Variants in NOL9 observed in about 807,000 individuals in gnomAD.
NOL9 encodes nucleolar protein 9.
NOL9 carries 28 observed loss-of-function variants against 67.9 expected under a neutral mutation model. The observed-to-expected ratio is 0.41, with a 90% CI of 0.31 to 0.57. The LOEUF (loss-of-function observed/expected upper bound fraction) is 0.57, where lower values mean the gene tolerates loss of function less well. Ranked by LOEUF, NOL9 falls within the 20% of genes least tolerant of loss-of-function variation. The pLI, the probability that NOL9 is intolerant of heterozygous loss-of-function variation, is 0.25. For missense variants in NOL9, 777 were observed against 897.0 expected (o/e 0.87, Z 1.71); for synonymous variants, 356 against 352.2 (o/e 1.01, Z -0.12).
At chr1:6,550,134 C>T (rs543120458) in intron 2 of NOL9, among the ~76,000 whole-genome samples, 10 of 152,186 alleles carry the variant, frequency 6.6e-5, no homozygotes, top group African/African-American at 1.9e-4. Context: ...CGGGTTCAAG[C>T]GATTCTCCTG....
chr1:6,554,323 C>A lies in NOL9; in HGVS notation c.180G>T (p.Val60=), dbSNP rs750304499. 4 of 1,473,400 alleles carry A rather than the reference C, an allele frequency of 2.7e-6. No homozygotes were observed. The South Asian group carries it at 4.1e-5, about 15-fold the overall frequency. The allele number at this position is 1,473,400 out of a possible 1,614,324, so 91.3% of individuals were successfully genotyped here. A position where few individuals can be genotyped will look rare whatever the true frequency, so the allele number is the denominator to read the frequency against. ...CCTGGCGGGCTCCCTCCCTCCAGTC[C>A]ACGCCGGACGCCTGGGCTTGCAGTA... is the stretch of plus-strand genomic sequence containing the variant. The part of the protein sequence containing the change: ...WRLLQAQASG[V]DWREGARQVS... The change falls in exon 1 of 12, where the codon GTG becomes GTT. Residue 60 remains valine (V), a synonymous_variant. Transcript: ENST00000377705.
intron 6 of NOL9, among the ~76,000 whole-genome samples, chr1:6,535,970 C>T (rs187393187): frequency 1.1e-4 from 17 of 150,856 alleles, no homozygotes; most frequent in Non-Finnish European, 2.1e-4. Context: ...TCTCTGACTT[C>T]AAAAGCAGTT....
intron 3 of NOL9, 36 bp downstream of exon 3, chr1:6,549,534 AG>A: frequency 6.2e-7 from 1 of 1,608,284 alleles, no homozygotes; most frequent in East Asian, 2.2e-5. Context: ...TTTTGGTGCA[AG>A]TAATTAGCAA....
chr1:6,536,034 C>T lies in NOL9; in HGVS notation c.1076-2593G>A, dbSNP rs569076152. 5.3e-5 allele frequency among the ~76,000 whole-genome samples: 8 copies of T among 152,134 alleles called. No individual in the cohort carries two copies. The South Asian group carries it at 1.7e-3, about 32-fold the overall frequency. ...GCTACAAAGTGAGACACTGCCTCTA[C>T]AAATAATTGTTCAAAAATTAGCCAG... On this transcript the variant is annotated intron_variant, in intron 6 of 11. Coordinates refer to ENST00000377705, the MANE Select transcript of NOL9 (RefSeq NM_024654.5).
At chr1:6,541,161 A>G (rs1639282716) in intron 6 of NOL9, among the ~76,000 whole-genome samples, 1 of 151,922 alleles carries the variant, frequency 6.6e-6, no homozygotes, top group South Asian at 2.1e-4. Context: ...GACTATAGGC[A>G]CGTGCCACCA....
chr1:6,526,927 A>G (rs879861013), intron 10 of NOL9, 98 bp from the exon 11 acceptor site: 77 of 1,404,132 alleles, frequency 5.5e-5, no homozygotes, highest in Non-Finnish European at 7.2e-5. Context: ...ATAAGTCTTT[A>G]TATCAACTCT....
intron 1 of NOL9, among the ~76,000 whole-genome samples, chr1:6,552,222 C>T (rs1201514155): frequency 1.3e-5 from 2 of 152,046 alleles, no homozygotes; most frequent in Non-Finnish European, 2.9e-5. Flanking sequence ...TGCAGCAAAC[C>T]ACCAAGGCAC....
At chr1:6,539,113 G>A (rs758525696) in intron 6 of NOL9, among the ~76,000 whole-genome samples, 9 of 152,164 alleles carry the variant, frequency 5.9e-5, no homozygotes, top group Non-Finnish European at 1.0e-4. Context: ...AAACCAACAT[G>A]AGACATTACT....
intron 6 of NOL9, among the ~76,000 whole-genome samples, chr1:6,539,498 A>C (rs4908912): frequency 0.82 from 124,389 of 152,092 alleles, 51,733 homozygotes; most frequent in Non-Finnish European, 0.89. Flanking sequence ...ATTATTATTT[A>C]TTGAGGCAGA....
intron 3 of NOL9, among the ~76,000 whole-genome samples, chr1:6,546,113 TCAA>T: frequency 6.6e-6 from 1 of 152,184 alleles, no homozygotes; most frequent in African/African-American, 2.4e-5. Flanking sequence ...AATTAGATAA[TCAA>T]GTTTACTATC....
chr1:6,550,321 G>A (rs950329751), intron 2 of NOL9, 75 bp downstream of exon 2: 21 of 1,328,126 alleles, frequency 1.6e-5, no homozygotes, highest in East Asian at 4.6e-5. Flanking sequence ...GTGAGCCACC[G>A]CGCCTGGCCC....
At chr1:6,545,437 G>A (rs548772270) in intron 3 of NOL9, among the ~76,000 whole-genome samples, 8 of 152,316 alleles carry the variant, frequency 5.3e-5, no homozygotes, top group African/African-American at 1.7e-4. Flanking sequence ...AAAATGCCTG[G>A]TAAGACATGA....
chr1:6,539,196 T>C (rs755916181), intron 6 of NOL9, among the ~76,000 whole-genome samples: 1 of 152,218 alleles, frequency 6.6e-6, no homozygotes, highest in African/African-American at 2.4e-5. Flanking sequence ...CTCTTGTGCA[T>C]TGCTGCTGGG....
intron 1 of NOL9, among the ~76,000 whole-genome samples, chr1:6,552,150 CTG>C (rs1639556243): frequency 6.6e-6 from 1 of 152,128 alleles, no homozygotes; most frequent in African/African-American, 2.4e-5. Context: ...CTGTGGGGGT[CTG>C]GGGAAGGGCG....
chr1:6,535,053 G>A (rs1639118749), intron 6 of NOL9, among the ~76,000 whole-genome samples: 1 of 152,122 alleles, frequency 6.6e-6, no homozygotes, highest in African/African-American at 2.4e-5. Flanking sequence ...CAAGTGATCC[G>A]CCTGCCTCGG....
chr1:6,544,998 G>C (rs769760187), intron 4 of NOL9, 47 bp downstream of exon 4: 16 of 1,613,932 alleles, frequency 9.9e-6, no homozygotes, highest in Non-Finnish European at 1.4e-5. Flanking sequence ...TCTTCCTCTG[G>C]GGGTCTGGTG....
chr1:6,541,457 CAA>C (rs758186702), intron 6 of NOL9, among the ~76,000 whole-genome samples: 43 of 152,192 alleles, frequency 2.8e-4, no homozygotes, highest in Non-Finnish European at 5.7e-4. Flanking sequence ...GCTGGGATTA[CAA>C]GTGTGAGCCA....
intron 6 of NOL9, among the ~76,000 whole-genome samples, chr1:6,535,037 T>C (rs1639118204): frequency 6.6e-6 from 1 of 152,194 alleles, no homozygotes; most frequent in Non-Finnish European, 1.5e-5. Flanking sequence ...CTCAAACTCC[T>C]GACCTCAAGT....
chr1:6,544,544 C>CGCACGCACGCACACA (rs61278197), intron 5 of NOL9, among the ~76,000 whole-genome samples: 1 of 118,666 alleles, frequency 8.4e-6, no homozygotes, highest in African/African-American at 4.2e-5. Flanking sequence ...CACACACGCA[C>CGCACGCACGCACACA]CCCCCCCCCG....
Sources: allele counts gnomAD v4.1 joint callset (sites outside exome capture counted in the v4.1 genomes callset), GRCh38; gene constraint gnomAD v4.1.1; transcripts MANE v1.5; gene names NCBI Gene and HGNC (gene_info 2026-07-23, HGNC 2026-07-21).